The following VPS37A variants were observed in gnomAD, a reference collection of about 807,000 sequenced individuals.
VPS37A encodes the protein vacuolar protein sorting-associated protein 37A.
Under a neutral mutation model 49.8 loss-of-function variants are expected in VPS37A, and 30 were observed. The ratio of observed to expected loss-of-function variants is 0.60; its 90% CI spans 0.45 to 0.82. The LOEUF (loss-of-function observed/expected upper bound fraction) is 0.82. Ranked by LOEUF, VPS37A falls within the 40% of genes least tolerant of loss-of-function variation. The probability of loss-of-function intolerance (pLI) is 0.00; values close to 1 mark genes in which losing one functional copy is unlikely to be tolerated. For synonymous variants in VPS37A, 195 were observed against 160.6 expected (o/e 1.21, Z -1.62); for missense variants, 593 against 464.4 (o/e 1.28, Z -2.55).
chr8:17,324,317 A>G, the VPS37A span, among the ~76,000 whole-genome samples: 4 of 152,234 alleles, frequency 2.6e-5, no homozygotes, highest in Non-Finnish European at 5.9e-5. Flanking sequence ...TACTTACTAC[A>G]AGCAGGTATT....
At chr8:17,261,964 T>C (rs1283553314) in intron 1 of VPS37A, among the ~76,000 whole-genome samples, 2 of 152,222 alleles carry the variant, frequency 1.3e-5, no homozygotes, top group African/African-American at 4.8e-5. Flanking sequence ...GTCCTCATGA[T>C]GCTTCTGGTG....
chr8:17,277,889 C>CAT, intron 6 of VPS37A, among the ~76,000 whole-genome samples: 1 of 151,474 alleles, frequency 6.6e-6, no homozygotes, highest in East Asian at 1.9e-4. Context: ...CACACACACA[C>CAT]ACACACACAC....
chr8:17,315,760 C>G, the VPS37A span, among the ~76,000 whole-genome samples: 1 of 151,896 alleles, frequency 6.6e-6, no homozygotes, highest in Admixed American at 6.6e-5. Flanking sequence ...ACCTGTAATC[C>G]CAGCACTTTG....
intron 6 of VPS37A, chr8:17,279,691 T>C: frequency 2.4e-6 from 1 of 412,420 alleles, no homozygotes. Context: ...GTTCTTTACC[T>C]GAGTTAAGTT....
At chr8:17,255,961 C>T (rs1403888524) in intron 1 of VPS37A, among the ~76,000 whole-genome samples, 1 of 152,136 alleles carries the variant, frequency 6.6e-6, no homozygotes, top group African/African-American at 2.4e-5. Context: ...AAATTTATTA[C>T]ATATTTTGGC....
chr8:17,275,570 T>C (rs913163151), intron 5 of VPS37A, among the ~76,000 whole-genome samples: 2 of 152,182 alleles, frequency 1.3e-5, no homozygotes, highest in African/African-American at 4.8e-5. Flanking sequence ...TGTCACATTA[T>C]GATGGGTCTG....
At chr8:17,267,467 T>TTTTGTGTGTGTG (rs1554491549) in intron 2 of VPS37A, among the ~76,000 whole-genome samples, 2 of 151,322 alleles carry the variant, frequency 1.3e-5, no homozygotes, top group African/African-American at 4.8e-5. Flanking sequence ...AAATTTCTGC[T>TTTTGTGTGTGTG]TGTGTGTGTG....
chr8:17,330,888 C>T, the VPS37A span, among the ~76,000 whole-genome samples: 1 of 152,198 alleles, frequency 6.6e-6, no homozygotes, highest in Non-Finnish European at 1.5e-5. Flanking sequence ...GAAACAAAAA[C>T]ATCCCTGTGC....
At chr8:17,325,392 C>T in the VPS37A span, among the ~76,000 whole-genome samples, 1 of 152,214 alleles carries the variant, frequency 6.6e-6, no homozygotes, top group South Asian at 2.1e-4. Flanking sequence ...AAGAACAGAT[C>T]GGGTATCATC....
chr8:17,286,530 G>A (rs894215242), intron 11 of VPS37A, 103 bp downstream of exon 11: 8 of 926,632 alleles, frequency 8.6e-6, no homozygotes, highest in African/African-American at 3.3e-5. Flanking sequence ...GCATAATTCT[G>A]TCATTATAGT....
chr8:17,302,052 G>A (rs1041524197), downstream of VPS37A: 31 of 1,489,502 alleles, frequency 2.1e-5, no homozygotes, highest in Admixed American at 2.0e-4. Context: ...GACTAAAAAT[G>A]TGAAATATTT....
chr8:17,277,901 CAG>C (rs923302870), intron 6 of VPS37A, among the ~76,000 whole-genome samples: 12 of 147,518 alleles, frequency 8.1e-5, no homozygotes, highest in South Asian at 2.1e-4. Context: ...CACACACACA[CAG>C]ACATATACAT....
chr8:17,257,179 C>T (rs1013787610), intron 1 of VPS37A, among the ~76,000 whole-genome samples: 7 of 152,170 alleles, frequency 4.6e-5, no homozygotes, highest in Non-Finnish European at 8.8e-5. Flanking sequence ...TTATTGAAAA[C>T]ATCATCCTTT....
intron 1 of VPS37A, among the ~76,000 whole-genome samples, chr8:17,249,031 C>G (rs1811733001): frequency 6.6e-6 from 1 of 152,200 alleles, no homozygotes; most frequent in Non-Finnish European, 1.5e-5. Context: ...ATATACCAAA[C>G]CAGTCCTGCT....
chr8:17,281,516 A>G (rs967099805), intron 9 of VPS37A, among the ~76,000 whole-genome samples: 3 of 152,030 alleles, frequency 2.0e-5, no homozygotes, highest in Admixed American at 6.5e-5. Flanking sequence ...TTGAAAAAGA[A>G]TACTAGAAAC....
chr8:17,295,528 T>G lies in VPS37A; in HGVS notation c.*542T>G, dbSNP rs1816556394. ...TGTGCCATCTCACAAAAGAAACTTT[T>G]AATACCTACAATAAATCAAAAGAAT... On this transcript the variant is annotated 3_prime_UTR_variant, in exon 12 of 12. Transcript: ENST00000324849. The G allele has an allele frequency of 1.3e-5, 2 of 152,730 alleles. No individual in the cohort carries two copies. Among genetic ancestry groups the G allele is most frequent in the Admixed American group, 6.5e-5 (1 of 15,296 alleles). 9.5% of individuals were successfully genotyped at this position (152,730 alleles called of 1,614,324 possible).
chr8:17,254,852 A>AT (rs927119049), intron 1 of VPS37A, among the ~76,000 whole-genome samples: 9 of 152,174 alleles, frequency 5.9e-5, no homozygotes, highest in African/African-American at 1.7e-4. Flanking sequence ...ATCTGTTTTG[A>AT]TTTTTTTATC....
At chr8:17,249,690 T>A (rs1009812945) in intron 1 of VPS37A, among the ~76,000 whole-genome samples, 4 of 152,200 alleles carry the variant, frequency 2.6e-5, no homozygotes, top group African/African-American at 4.8e-5. Context: ...CTGTATGGTA[T>A]CTGATGTAAA....
At chr8:17,326,543 A>G in the VPS37A span, 1 of 152,216 alleles carries the variant, frequency 6.6e-6, no homozygotes, top group Non-Finnish European at 1.5e-5. Context: ...GCTAGGTTAA[A>G]ATACTGCTTT....
Sources: allele counts gnomAD v4.1 joint callset (sites outside exome capture counted in the v4.1 genomes callset), GRCh38; gene constraint gnomAD v4.1.1; transcripts MANE v1.5; gene names NCBI Gene and HGNC (gene_info 2026-07-23, HGNC 2026-07-21).